The following UNC5C variants were observed in gnomAD, a reference collection of about 807,000 sequenced individuals.
The protein encoded by UNC5C is netrin receptor UNC5C.
Under a neutral mutation model 99.8 loss-of-function variants are expected in UNC5C, and 47 were observed. The ratio of observed to expected loss-of-function variants is 0.47; its 90% CI spans 0.37 to 0.60. The LOEUF (loss-of-function observed/expected upper bound fraction) is 0.60. Among genes scored for constraint, UNC5C ranks in the 20% least tolerant of loss-of-function variants. The pLI is 0.00. For synonymous variants in UNC5C, 487 were observed against 452.2 expected, an observed-to-expected ratio of 1.08 and a Z score of -0.98; for missense variants, 1,062 against 1,165.9, an observed-to-expected ratio of 0.91 and a Z score of 1.30.
intron 1 of UNC5C, among the ~76,000 whole-genome samples, chr4:95,418,081 G>T (rs1406146826): frequency 1.3e-5 from 2 of 152,182 alleles, no homozygotes; most frequent in Non-Finnish European, 2.9e-5. Flanking sequence ...GTTAGCGAAT[G>T]AGCAAAAAGT....
At chr4:95,247,350 G>C (rs952468111) in intron 5 of UNC5C, among the ~76,000 whole-genome samples, 4 of 152,078 alleles carry the variant, frequency 2.6e-5, no homozygotes, top group Non-Finnish European at 5.9e-5. Context: ...GCAGATGGTA[G>C]ATAGGTAGGG....
intron 1 of UNC5C, among the ~76,000 whole-genome samples, chr4:95,458,536 C>T (rs2149470020): frequency 6.6e-6 from 1 of 152,008 alleles, no homozygotes; most frequent in East Asian, 1.9e-4. Flanking sequence ...CTTTGAACCA[C>T]AAAAATTGAT....
chr4:95,410,331 A>G (rs1396435795), intron 1 of UNC5C, among the ~76,000 whole-genome samples: 1 of 152,174 alleles, frequency 6.6e-6, no homozygotes, highest in Non-Finnish European at 1.5e-5. Context: ...TCCCAGTCTC[A>G]TTAATGAAAA....
chr4:95,279,291 A>G (rs1327974654), intron 3 of UNC5C, among the ~76,000 whole-genome samples: 1 of 152,182 alleles, frequency 6.6e-6, no homozygotes, highest in East Asian at 1.9e-4. Flanking sequence ...AAGACTAGTC[A>G]TTTCTGCTCA....
chr4:95,540,491 G>T (rs1722892254), intron 1 of UNC5C, among the ~76,000 whole-genome samples: 1 of 152,088 alleles, frequency 6.6e-6, no homozygotes, highest in Non-Finnish European at 1.5e-5. Context: ...CCTTGAATTT[G>T]ATCCCTAACA....
chr4:95,425,410 CT>C (rs1746449277), intron 1 of UNC5C, among the ~76,000 whole-genome samples: 1 of 152,260 alleles, frequency 6.6e-6, no homozygotes, highest in South Asian at 2.1e-4. Context: ...CAAGCTCCGC[CT>C]CCCGGGCTCC....
At chr4:95,255,120 C>T (rs1401375476) in intron 4 of UNC5C, among the ~76,000 whole-genome samples, 2 of 151,954 alleles carry the variant, frequency 1.3e-5, no homozygotes, top group African/African-American at 4.8e-5. Flanking sequence ...GCTGGGATTA[C>T]AGGTGCCCAC....
intron 1 of UNC5C, among the ~76,000 whole-genome samples, chr4:95,525,400 C>T (rs1242685617): frequency 2.6e-5 from 4 of 152,022 alleles, no homozygotes; most frequent in South Asian, 2.1e-4. Flanking sequence ...TCATTATTCA[C>T]TCTTTCTATT....
chr4:95,262,588 T>C (rs1740283065), intron 4 of UNC5C, among the ~76,000 whole-genome samples: 2 of 152,172 alleles, frequency 1.3e-5, no homozygotes, highest in South Asian at 2.1e-4. Flanking sequence ...TTATGCCAAG[T>C]AATTATTTAT....
At chr4:95,349,644 C>A (rs1190434006) in intron 1 of UNC5C, among the ~76,000 whole-genome samples, 1 of 151,696 alleles carries the variant, frequency 6.6e-6, no homozygotes, top group Non-Finnish European at 1.5e-5. Flanking sequence ...CTTAGAATAA[C>A]CACAAGTCTC....
At chr4:95,214,175 A>G (rs902933373) in intron 10 of UNC5C, among the ~76,000 whole-genome samples, 1 of 152,234 alleles carries the variant, frequency 6.6e-6, no homozygotes, top group Admixed American at 6.5e-5. Flanking sequence ...GTTTTACAAT[A>G]AAAATGCATC....
At chr4:95,411,604 G>T (rs1297092773) in intron 1 of UNC5C, among the ~76,000 whole-genome samples, 1 of 152,166 alleles carries the variant, frequency 6.6e-6, no homozygotes, top group Non-Finnish European at 1.5e-5. Flanking sequence ...AAAAGTGCAT[G>T]TATTTTAAAT....
chr4:95,469,222 T>C (rs1267963540), intron 1 of UNC5C, among the ~76,000 whole-genome samples: 4 of 152,148 alleles, frequency 2.6e-5, no homozygotes, highest in Admixed American at 2.6e-4. Flanking sequence ...GCAGATATTG[T>C]TTCTTCTCAA....
At chr4:95,201,272 T>C (rs1190571541) in intron 12 of UNC5C, among the ~76,000 whole-genome samples, 1 of 152,140 alleles carries the variant, frequency 6.6e-6, no homozygotes, top group Non-Finnish European at 1.5e-5. Flanking sequence ...AGGCAGGAAC[T>C]TGACCTTCCG....
intron 12 of UNC5C, among the ~76,000 whole-genome samples, chr4:95,198,236 G>A (rs981825890): frequency 2.0e-5 from 3 of 151,918 alleles, no homozygotes; most frequent in Non-Finnish European, 4.4e-5. Context: ...TGATCCACCC[G>A]CCTTGGCCTC....
At chr4:95,239,507 T>C (rs1331786573) in intron 7 of UNC5C, among the ~76,000 whole-genome samples, 4 of 152,150 alleles carry the variant, frequency 2.6e-5, no homozygotes. Flanking sequence ...ACTGAAACCC[T>C]GATTTCCAGT....
chr4:95,474,217 T>A (rs115643921), intron 1 of UNC5C, among the ~76,000 whole-genome samples: 2,082 of 152,192 alleles, frequency 0.014, 20 homozygotes, highest in African/African-American at 0.033. Flanking sequence ...TGCCACAAAG[T>A]TGAGATGGAA....
chr4:95,270,127 T>C (rs1740604507), intron 4 of UNC5C, among the ~76,000 whole-genome samples: 2 of 152,196 alleles, frequency 1.3e-5, no homozygotes, highest in Non-Finnish European at 2.9e-5. Context: ...TATTTTCTTA[T>C]TTCTCCCACT....
intron 4 of UNC5C, among the ~76,000 whole-genome samples, chr4:95,265,506 A>G (rs954926790): frequency 2.0e-5 from 3 of 152,214 alleles, no homozygotes; most frequent in Admixed American, 6.5e-5. Flanking sequence ...TGAAGTGTGT[A>G]TAAATAATAA....
Sources: gnomAD v4.1 joint callset for allele counts (sites outside exome capture counted in the v4.1 genomes callset) on GRCh38, gnomAD v4.1.1 for gene constraint, MANE v1.5 for transcripts, NCBI Gene and HGNC (gene_info 2026-07-23, HGNC 2026-07-21) for gene names.